Variants in CCSER2 observed in about 807,000 individuals in gnomAD.
The protein encoded by CCSER2 is serine-rich coiled-coil domain-containing protein 2.
CCSER2 carries 46 observed loss-of-function variants against 92.3 expected under a neutral mutation model. The ratio of observed to expected loss-of-function variants is 0.50; its 90% CI spans 0.39 to 0.64. The LOEUF (loss-of-function observed/expected upper bound fraction) is 0.64. Among genes scored for constraint, CCSER2 ranks in the 30% least tolerant of loss-of-function variants. CCSER2 has a pLI of 0.00. For missense variants in CCSER2, 1,244 were observed against 1,238.9 expected, an observed-to-expected ratio of 1.00 and a Z score of -0.06; for synonymous variants, 433 against 431.4, an observed-to-expected ratio of 1.00 and a Z score of -0.04.
chr10:84,490,559 C>T lies in CCSER2; in HGVS notation c.2325+12895C>T, dbSNP rs567996072. On this transcript the variant is annotated intron_variant, in intron 9 of 9. Transcript: ENST00000372088. ...GCTACTGAAGCTTGTGCATTCGTCA[C>T]GTAGTTCTCGTGCCATGGTTTTCAG... 2.8e-4 allele frequency among the ~76,000 whole-genome samples: 42 copies of T among 152,292 alleles called. No individual in the cohort carries two copies. In the East Asian group the frequency reaches 5.8e-3, roughly 21 times the overall value.
intron 3 of CCSER2, among the ~76,000 whole-genome samples, chr10:84,405,775 A>G (rs1842345916): frequency 6.6e-6 from 1 of 152,214 alleles, no homozygotes; most frequent in African/African-American, 2.4e-5. Context: ...AAGAGCTAAA[A>G]TAAAGATTAC....
chr10:84,452,676 A>G (rs1198560690), intron 6 of CCSER2, among the ~76,000 whole-genome samples: 4 of 152,210 alleles, frequency 2.6e-5, no homozygotes, highest in Non-Finnish European at 5.9e-5. Flanking sequence ...TTTATTAAAT[A>G]TGTTTATGCA....
intron 4 of CCSER2, among the ~76,000 whole-genome samples, chr10:84,424,751 G>A (rs1457989887): frequency 6.6e-6 from 1 of 152,012 alleles, no homozygotes; most frequent in Non-Finnish European, 1.5e-5. Flanking sequence ...ACTTTCTCAT[G>A]TAGTAGTTCT....
chr10:84,420,789 C>T (rs918715977), intron 4 of CCSER2, among the ~76,000 whole-genome samples: 15 of 151,902 alleles, frequency 9.9e-5, no homozygotes, highest in African/African-American at 1.7e-4. Context: ...AAAAATTAGC[C>T]GGGCGTGGAG....
chr10:84,411,445 G>A (rs181306922), intron 3 of CCSER2, among the ~76,000 whole-genome samples: 9 of 152,112 alleles, frequency 5.9e-5, no homozygotes, highest in Non-Finnish European at 1.5e-5. Context: ...AGTGTGGAAT[G>A]GTTTTCCATT....
chr10:84,498,137 A>G (rs1019520456), intron 9 of CCSER2, among the ~76,000 whole-genome samples: 4 of 152,244 alleles, frequency 2.6e-5, no homozygotes, highest in Non-Finnish European at 5.9e-5. Flanking sequence ...AAACATGTCT[A>G]TGAAGTTACC....
intron 3 of CCSER2, among the ~76,000 whole-genome samples, chr10:84,380,393 C>T (rs1479420102): frequency 6.6e-6 from 1 of 152,068 alleles, no homozygotes; most frequent in African/African-American, 2.4e-5. Context: ...AAATGTGTTG[C>T]AGTAATCTTC....
intron 1 of CCSER2, among the ~76,000 whole-genome samples, chr10:84,347,487 T>G (rs1376139496): frequency 2.4e-5 from 3 of 124,326 alleles, no homozygotes; most frequent in Admixed American, 7.8e-5. Context: ...CCGGACTGGG[T>G]GGCTGGCCGG....
intron 6 of CCSER2, among the ~76,000 whole-genome samples, chr10:84,439,849 G>C (rs528383163): frequency 1.3e-5 from 2 of 152,306 alleles, no homozygotes; most frequent in East Asian, 3.9e-4. Context: ...TAGAAAATAG[G>C]CATTGGTATA....
intron 1 of CCSER2, among the ~76,000 whole-genome samples, chr10:84,357,247 T>C (rs1049164855): frequency 2.0e-5 from 3 of 152,114 alleles, no homozygotes; most frequent in East Asian, 3.9e-4. Context: ...CAAGACTATA[T>C]GTGTAAACAC....
At chr10:84,513,382 G>C (rs774191304) in intron 9 of CCSER2, 67 bp from the exon 10 acceptor site, 1 of 1,187,090 alleles carries the variant, frequency 8.4e-7, no homozygotes, top group Non-Finnish European at 1.2e-6. Flanking sequence ...AGCCTAATTG[G>C]TATTTATATT....
intron 6 of CCSER2, among the ~76,000 whole-genome samples, chr10:84,446,945 A>C (rs10887291): frequency 1.3e-4 from 20 of 150,052 alleles, no homozygotes; most frequent in Non-Finnish European, 2.5e-4. Flanking sequence ...ATTAATTTTC[A>C]TTTCTCTATT....
intron 6 of CCSER2, among the ~76,000 whole-genome samples, chr10:84,459,399 C>G (rs1249903480): frequency 6.6e-6 from 1 of 152,132 alleles, no homozygotes; most frequent in African/African-American, 2.4e-5. Flanking sequence ...CCTTATTGCA[C>G]TGGATAGAAA....
At chr10:84,337,895 G>A (rs755528259) in intron 1 of CCSER2, among the ~76,000 whole-genome samples, 45 of 152,294 alleles carry the variant, frequency 3.0e-4, no homozygotes, top group Admixed American at 7.2e-4. Context: ...GAGCAGGTAG[G>A]GGAATAGTTG....
intron 4 of CCSER2, among the ~76,000 whole-genome samples, chr10:84,425,432 G>A (rs1843376271): frequency 6.6e-6 from 1 of 152,148 alleles, no homozygotes; most frequent in Non-Finnish European, 1.5e-5. Context: ...TGTTTAAAAT[G>A]TATAATGTTG....
At chr10:84,364,345 C>T (rs1321570419) in intron 1 of CCSER2, among the ~76,000 whole-genome samples, 4 of 152,216 alleles carry the variant, frequency 2.6e-5, no homozygotes, top group Non-Finnish European at 5.9e-5. Flanking sequence ...ATGGGACCAT[C>T]GTTGTAAATA....
intron 1 of CCSER2, among the ~76,000 whole-genome samples, chr10:84,352,721 C>A (rs894230773): frequency 6.6e-6 from 1 of 151,854 alleles, no homozygotes; most frequent in Admixed American, 6.6e-5. Context: ...AAAGCTATTT[C>A]TTCATCTGTG....
chr10:84,331,919 A>G lies in CCSER2; in HGVS notation c.-40+3111A>G, dbSNP rs910340253. On this transcript the variant is annotated intron_variant, in intron 1 of 9. Transcript: ENST00000372088. ...AGTGTTACAATGTCATTTCTTAATA[A>G]TTGGACATCTAGATTGTTTACTATT... 2.6e-5 allele frequency among the ~76,000 whole-genome samples: 4 copies of G among 152,298 alleles called. No homozygotes were observed. The South Asian group carries it at 8.3e-4, about 32-fold the overall frequency.
At chr10:84,491,953 T>A (rs1848195624) in intron 9 of CCSER2, among the ~76,000 whole-genome samples, 1 of 152,168 alleles carries the variant, frequency 6.6e-6, no homozygotes, top group Non-Finnish European at 1.5e-5. Context: ...AAATTTCACT[T>A]TCCCTGTGCT....
Sources: allele counts gnomAD v4.1 joint callset (sites outside exome capture counted in the v4.1 genomes callset), GRCh38; gene constraint gnomAD v4.1.1; transcripts MANE v1.5; gene names NCBI Gene and HGNC (gene_info 2026-07-23, HGNC 2026-07-21).